Variants in SIRPB1 observed in about 807,000 individuals in gnomAD.
The protein encoded by SIRPB1 is signal regulatory protein beta 1, also known as signal-regulatory protein beta-1.
SIRPB1 carries 28 observed loss-of-function variants against 34.1 expected under a neutral mutation model. The observed-to-expected ratio is 0.82, with a 90% CI of 0.61 to 1.12. SIRPB1 has a LOEUF of 1.12. Among genes scored for constraint, SIRPB1 ranks in the 50% most tolerant of loss-of-function variants. SIRPB1 has a pLI of 0.00. For synonymous variants in SIRPB1, 211 were observed against 203.8 expected (o/e 1.04, Z -0.30); for missense variants, 499 against 507.0 (o/e 0.98, Z 0.15).
chr20:1,561,648 T>TG lies in SIRPB1; in HGVS notation c.*3851dup, dbSNP rs945092436. ...ATGATTAGATTGGGGTTGTGAGTTT[T>TG]GGGGGGAAGGTAATAGAGGAAAAGT... On this transcript the variant is annotated 3_prime_UTR_variant, in exon 6 of 6. Transcript: ENST00000381605. Among the ~76,000 whole-genome samples the TG allele has an allele frequency of 6.6e-6, 1 of 152,144 alleles. No individual in the cohort carries two copies. Among genetic ancestry groups the TG allele is most frequent in the East Asian group, 1.9e-4 (1 of 5,196 alleles).
rs777055083 is a variant in SIRPB1, at chr20:1,611,703, G to T, written c.76+8166C>A. 11 of 845,106 alleles carry T rather than the reference G, an allele frequency of 1.3e-5. 2 individuals carry two copies. In the Admixed American group the frequency reaches 2.8e-4, roughly 21 times the overall value. 52.4% of individuals were successfully genotyped at this position (845,106 alleles called of 1,614,324 possible). A position where few individuals can be genotyped will look rare whatever the true frequency, so the allele number is the denominator to read the frequency against. On this transcript the variant is annotated intron_variant, in intron 1 of 5. Coordinates refer to ENST00000381605, the MANE Select transcript of SIRPB1 (RefSeq NM_006065.5). Reference sequence around the variant, plus strand: ...GCTGAATCACCTGCAGCTCTTCCTCGCCAGCTACCCCTGGAAAGGAGCACA... The same window carrying T: ...GCTGAATCACCTGCAGCTCTTCCTCTCCAGCTACCCCTGGAAAGGAGCACA...
chr20:1,604,689 G>A lies in SIRPB1; in HGVS notation c.76+15180C>T. On this transcript the variant is annotated intron_variant, in intron 1 of 5. Transcript: ENST00000381605. Reference sequence around the variant, plus strand: ...AGAGCTGGATGAGTGGAGGGTGGTGGGGGGTGGGCTTGGTGGTCAGGTGTG... The same window carrying A: ...AGAGCTGGATGAGTGGAGGGTGGTGAGGGGTGGGCTTGGTGGTCAGGTGTG... 3.5e-6 allele frequency: 2 copies of A among 574,720 alleles called. 1 individual carries two copies. The highest frequency in any genetic ancestry group is 6.9e-5 in the South Asian group (2 of 28,918). The allele number at this position is 574,720 out of a possible 1,614,324, so 35.6% of individuals were successfully genotyped here.
intron 1 of SIRPB1, among the ~76,000 whole-genome samples, chr20:1,600,343 G>T (rs2091471366): frequency 2.0e-5 from 1 of 49,620 alleles, no homozygotes; most frequent in Admixed American, 1.3e-4. Context: ...GTTTACTTCT[G>T]TTTTCATGTA....
Position 1,561,749 on chromosome 20 carries a change from TTGA to T in SIRPB1, c.*3748_*3750del, listed in dbSNP as rs2091084885. Among the ~76,000 whole-genome samples, 1 of 152,238 alleles carries T rather than the reference TTGA, an allele frequency of 6.6e-6. No individual in the cohort carries two copies. Among genetic ancestry groups the T allele is most frequent in the African/African-American group, 2.4e-5 (1 of 41,452 alleles). On this transcript the variant is annotated 3_prime_UTR_variant, in exon 6 of 6. Coordinates refer to ENST00000381605, the MANE Select transcript of SIRPB1 (RefSeq NM_006065.5). ...GATTCTTGATGTTGATTTATAACTG[TTGA>T]TGAACTCTTGATCACCTGGCTGAAG... is the stretch of plus-strand genomic sequence containing the variant.
In SIRPB1 at chr20:1,565,141, G is replaced by C. The variant is rs1277623912; in HGVS notation, c.*359C>G. ...AGGCTGGGGGAGTTGGGGTAGGCAGGAATCCAGAAGACAGGATAACTCTTG... is the reference window on the plus strand; with the variant it reads ...AGGCTGGGGGAGTTGGGGTAGGCAGCAATCCAGAAGACAGGATAACTCTTG... On this transcript the variant is annotated 3_prime_UTR_variant, in exon 6 of 6. Transcript: ENST00000381605. 1 of 398,192 alleles carries C rather than the reference G, an allele frequency of 2.5e-6. No homozygotes were observed. The highest frequency in any genetic ancestry group is 4.4e-6 in the Non-Finnish European group (1 of 226,236). The allele number at this position is 398,192 out of a possible 1,614,324, so 24.7% of individuals were successfully genotyped here. A position where few individuals can be genotyped will look rare whatever the true frequency, so the allele number is the denominator to read the frequency against.
In SIRPB1 at chr20:1,572,142, T is replaced by G. The variant is rs576522386; in HGVS notation, c.434-105A>C. 3 of 1,549,652 alleles carry G rather than the reference T, an allele frequency of 1.9e-6. No individual in the cohort carries two copies. The African/African-American group carries it at 4.1e-5, about 21-fold the overall frequency. On this transcript the variant is annotated intron_variant, in intron 2 of 5. Transcript: ENST00000381605. ...CTTCTGAGACGTTAGTTTTTAATCT[T>G]TCTAATAATGTCGTGAAGGCAGTGT...
chr20:1,564,081 A>G lies in SIRPB1; in HGVS notation c.*1419T>C, dbSNP rs1045692361. The stretch of plus-strand genomic sequence containing the variant: ...TTTGAATTGTAGTGCACAAATAAAT[A>G]TTTATTTCATTATATTTTCATTGTC... On this transcript the variant is annotated 3_prime_UTR_variant, in exon 6 of 6. Transcript: ENST00000381605. The G allele has an allele frequency of 1.3e-5, 2 of 152,190 alleles. No homozygotes were observed. Among genetic ancestry groups the G allele is most frequent in the African/African-American group, 4.8e-5 (2 of 41,438 alleles). The allele number at this position is 152,190 out of a possible 1,614,324, so 9.4% of individuals were successfully genotyped here.
chr20:1,612,665 A>C (rs183951333), intron 1 of SIRPB1, among the ~76,000 whole-genome samples: 1 of 72,730 alleles, frequency 1.4e-5, no homozygotes, highest in Non-Finnish European at 2.6e-5. Context: ...GAAATACAAC[A>C]TTGTTTTAAG....
chr20:1,577,269 C>A (rs551728219), intron 2 of SIRPB1, among the ~76,000 whole-genome samples: 1 of 147,894 alleles, frequency 6.8e-6, no homozygotes, highest in Non-Finnish European at 1.5e-5. Context: ...ATGGAGACAG[C>A]GTCTAATGCT....
rs1335640020 is a variant in SIRPB1, at chr20:1,594,557, C to T, written c.77-15863G>A. 8.3e-5 allele frequency among the ~76,000 whole-genome samples: 4 copies of T among 48,174 alleles called. 2 individuals are homozygous for T. The highest frequency in any genetic ancestry group is 5.6e-4 in the African/African-American group (4 of 7,192). The allele number at this position is 48,174 out of a possible 152,430, so 31.6% of individuals were successfully genotyped here. On this transcript the variant is annotated intron_variant, in intron 1 of 5. Transcript: ENST00000381605. ...CACTCACGACATTAGATGCAGATGA[C>T]GAGGGAAGACTTTGGGACACATGAG...
At chr20:1,611,910 G>A (rs1321516519) in intron 1 of SIRPB1, among the ~76,000 whole-genome samples, 1 of 72,194 alleles carries the variant, frequency 1.4e-5, no homozygotes, top group Non-Finnish European at 2.6e-5. Context: ...AGGACACTGA[G>A]GCACAGAGAG....
intron 2 of SIRPB1, among the ~76,000 whole-genome samples, chr20:1,576,466 A>C (rs1208711576): frequency 6.8e-6 from 1 of 147,952 alleles, no homozygotes; most frequent in Non-Finnish European, 1.5e-5. Context: ...TCACAGTTAC[A>C]TCTTCCCATC....
intron 2 of SIRPB1, 182 bp downstream of exon 2, chr20:1,578,156 G>C (rs2091344211): frequency 1.5e-6 from 1 of 675,450 alleles, no homozygotes; most frequent in Non-Finnish European, 2.5e-6. Flanking sequence ...GTGGAGCCTC[G>C]AGCGACTGCC....
Position 1,612,475 on chromosome 20 carries a change from C to T in SIRPB1, c.76+7394G>A, listed in dbSNP as rs112080740. 7.0e-5 allele frequency among the ~76,000 whole-genome samples: 5 copies of T among 71,698 alleles called. 2 individuals are homozygous for T. The highest frequency in any genetic ancestry group is 3.4e-4 in the Admixed American group (3 of 8,802). 47.0% of individuals were successfully genotyped at this position (71,698 alleles called of 152,430 possible). A position where few individuals can be genotyped will look rare whatever the true frequency, so the allele number is the denominator to read the frequency against. On this transcript the variant is annotated intron_variant, in intron 1 of 5. Transcript: ENST00000381605. Reference sequence around the variant, plus strand: ...GTGACTTCTTTAGACCCTTGAGTTACGAGCAGAAGTGATGGGTATAATTTG... The same window carrying T: ...GTGACTTCTTTAGACCCTTGAGTTATGAGCAGAAGTGATGGGTATAATTTG...
intron 3 of SIRPB1, 71 bp from the exon 4 acceptor site, chr20:1,571,208 G>T: frequency 6.9e-7 from 1 of 1,452,746 alleles, no homozygotes. Flanking sequence ...AAATAACGTA[G>T]CTCCCACCAA....
Position 1,570,888 on chromosome 20 carries a change from T to C in SIRPB1, c.1001A>G (p.His334Arg). 1 of 1,614,230 alleles carries C rather than the reference T, an allele frequency of 6.2e-7. No individual in the cohort carries two copies. The highest frequency in any genetic ancestry group is 8.5e-7 in the Non-Finnish European group (1 of 1,180,036). The change falls in exon 4 of 6, where the codon CAT becomes CGT. Residue 334 changes from histidine (H) to arginine (R), a missense_variant. His to Arg is a conservative substitution (Grantham distance 29). Transcript: ENST00000381605. ...DDVVLTCQVE[H>R]DGQQAVSKSY... ...TTTGCTGACTGCTTGCTGCCCATCA[T>C]GCTCCACCTGACAGGTGAGCACCAC...
chr20:1,563,159 C>A lies in SIRPB1; in HGVS notation c.*2341G>T, dbSNP rs1412561272. On this transcript the variant is annotated 3_prime_UTR_variant, in exon 6 of 6. Transcript: ENST00000381605. ...AAGGGATAAGATGTTGGAAGCTAGT[C>A]CAAACTTAGAAAGATGGCAAAACAC... Among the ~76,000 whole-genome samples, 1 of 152,074 alleles carries A rather than the reference C, an allele frequency of 6.6e-6. No individual in the cohort carries two copies. The highest frequency in any genetic ancestry group is 6.6e-5 in the Admixed American group (1 of 15,262).
intron 4 of SIRPB1, among the ~76,000 whole-genome samples, chr20:1,568,828 A>AT (rs2091181766): frequency 6.6e-6 from 1 of 152,078 alleles, no homozygotes. Flanking sequence ...AAAAAAAAAA[A>AT]GAGAGAAGAG....
chr20:1,576,358 T>C (rs1568688080), intron 2 of SIRPB1, among the ~76,000 whole-genome samples: 1 of 147,852 alleles, frequency 6.8e-6, no homozygotes, highest in Non-Finnish European at 1.5e-5. Context: ...GCTTTACATA[T>C]ACACATTTTT....
Sources: allele counts gnomAD v4.1 joint callset (sites outside exome capture counted in the v4.1 genomes callset), GRCh38; gene constraint gnomAD v4.1.1; transcripts MANE v1.5; gene names NCBI Gene and HGNC (gene_info 2026-07-23, HGNC 2026-07-21).